The following ZCWPW2 variants were observed in gnomAD, a reference collection of about 807,000 sequenced individuals.
ZCWPW2 encodes zinc finger CW-type PWWP domain protein 2.
In ZCWPW2, 45 loss-of-function variants were observed where a neutral mutation model predicts 46.6. That is an observed-to-expected ratio of 0.96 (90% CI 0.76 to 1.24). The LOEUF is 1.24. Among genes scored for constraint, ZCWPW2 ranks in the 50% most tolerant of loss-of-function variants. The probability of loss-of-function intolerance (pLI) is 0.00; values close to 1 mark genes in which losing one functional copy is unlikely to be tolerated. For missense variants in ZCWPW2, 429 were observed against 403.9 expected (o/e 1.06, Z -0.53); for synonymous variants, 152 against 137.1 (o/e 1.11, Z -0.76).
intron 6 of ZCWPW2, among the ~76,000 whole-genome samples, chr3:28,505,218 GC>G (rs1700244460): frequency 6.6e-6 from 1 of 152,118 alleles, no homozygotes; most frequent in Non-Finnish European, 1.5e-5. Context: ...GCCCCTCAAA[GC>G]AGAGAAATCC....
chr3:28,479,015 AATCTCT>A (rs1376072409), intron 5 of ZCWPW2, 84 bp downstream of exon 5: 8 of 846,884 alleles, frequency 9.4e-6, no homozygotes, highest in Admixed American at 5.8e-5. Context: ...CTCATTCAAA[AATCTCT>A]ATCTCTTTCT....
At chr3:28,515,791 A>G (rs1700550295) in intron 8 of ZCWPW2, among the ~76,000 whole-genome samples, 170 bp downstream of exon 8, 1 of 145,626 alleles carries the variant, frequency 6.9e-6, no homozygotes, top group Non-Finnish European at 1.5e-5. Flanking sequence ...ATTTTTACAC[A>G]TATATATGTG....
At chr3:28,379,977 TA>T (rs1229402606) in intron 1 of ZCWPW2, among the ~76,000 whole-genome samples, 4 of 152,230 alleles carry the variant, frequency 2.6e-5, no homozygotes, top group East Asian at 1.9e-4. Context: ...TTTTTATTTT[TA>T]TTTTTTTAGT....
Position 28,348,951 on chromosome 3 carries a change from A to C in ZCWPW2, c.-386A>C, listed in dbSNP as rs1225758615. 3 of 985,374 alleles carry C rather than the reference A, an allele frequency of 3.0e-6. No individual in the cohort carries two copies. The highest frequency in any genetic ancestry group is 3.6e-6 in the Non-Finnish European group (3 of 830,014). 61.0% of individuals were successfully genotyped at this position (985,374 alleles called of 1,614,324 possible). On this transcript the variant is annotated 5_prime_UTR_variant, in exon 1 of 10. Coordinates refer to ENST00000383768, the MANE Select transcript of ZCWPW2 (RefSeq NM_001040432.4). ...CGGAGGGAGGGGAAGCACTCCGGAA[A>C]GTGATTGGAAGTGTGGATGAGCTCT...
At chr3:28,470,299 C>G (rs912304531) in intron 4 of ZCWPW2, among the ~76,000 whole-genome samples, 1 of 152,056 alleles carries the variant, frequency 6.6e-6, no homozygotes, top group African/African-American at 2.4e-5. Flanking sequence ...CCGAGACCAT[C>G]CTGGCCAACA....
At chr3:28,499,458 G>A (rs545341384) in intron 6 of ZCWPW2, among the ~76,000 whole-genome samples, 13 of 152,112 alleles carry the variant, frequency 8.5e-5, no homozygotes, top group Non-Finnish European at 1.6e-4. Context: ...TTTGAGAAGT[G>A]TCTGTTCATA....
At position 28,448,485 on chromosome 3, in the gene ZCWPW2, A is replaced by T. The variant is rs144589686; in HGVS notation, c.492+13216A>T. 2.5e-3 allele frequency among the ~76,000 whole-genome samples: 386 copies of T among 152,204 alleles called. 1 individual carries two copies. The highest frequency in any genetic ancestry group is 8.4e-3 in the African/African-American group (350 of 41,536). On this transcript the variant is annotated intron_variant, in intron 4 of 9. Transcript: ENST00000383768. ...ATGTTCACAGACTGGAACTTACTAT[A>T]GTTAAGGTGTCAATACCGGCCAGAT...
At chr3:28,479,649 A>AT (rs1699360829) in intron 5 of ZCWPW2, among the ~76,000 whole-genome samples, 1 of 152,088 alleles carries the variant, frequency 6.6e-6, no homozygotes, top group Non-Finnish European at 1.5e-5. Context: ...CACATTAGTT[A>AT]TTTTTCCTGA....
Position 28,357,797 on chromosome 3 carries a change from T to TTATATATATATA in ZCWPW2, c.-134+8606_-134+8617dup, listed in dbSNP as rs3068920. Among the ~76,000 whole-genome samples the TTATATATATATA allele has an allele frequency of 6.3e-3, 878 of 140,350 alleles. 6 individuals are homozygous for TTATATATATATA. Among genetic ancestry groups the TTATATATATATA allele is most frequent in the African/African-American group, 0.022 (818 of 37,640 alleles). 92.1% of individuals were successfully genotyped at this position (140,350 alleles called of 152,430 possible). On this transcript the variant is annotated intron_variant, in intron 1 of 9. Coordinates refer to ENST00000383768, the MANE Select transcript of ZCWPW2 (RefSeq NM_001040432.4). ...ACATATAATATATAGTTGGTATATT[T>TTATATATATATA]TATATATATATATATATATATATCT...
chr3:28,490,997 C>G (rs904582115), intron 5 of ZCWPW2, among the ~76,000 whole-genome samples: 2 of 152,130 alleles, frequency 1.3e-5, no homozygotes, highest in African/African-American at 4.8e-5. Flanking sequence ...TGAACACTTA[C>G]TGCATATAAA....
In ZCWPW2 at chr3:28,413,120, G is replaced by C; in HGVS notation, c.52G>C (p.Asp18His). The stretch of plus-strand genomic sequence containing the variant: ...GATTGAATATTGTAACTATGCAATG[G>C]ATTCCTCAGTGGAAAACATGTATGT... ...VKIEYCNYAMDSSVENMYVNK... is the reference protein window; with the variant it reads ...VKIEYCNYAMHSSVENMYVNK... Residue 18 changes from aspartate to histidine, a missense_variant, in exon 3 of 10, where the codon GAT becomes CAT. Asp to His is a moderately conservative substitution (Grantham distance 81). Coordinates refer to ENST00000383768, the MANE Select transcript of ZCWPW2 (RefSeq NM_001040432.4). 6.2e-7 allele frequency: 1 copy of C among 1,612,918 alleles called. No individual in the cohort carries two copies. The highest frequency in any genetic ancestry group is 8.5e-7 in the Non-Finnish European group (1 of 1,179,334).
chr3:28,454,290 C>T (rs147217502), intron 4 of ZCWPW2, among the ~76,000 whole-genome samples: 292 of 152,084 alleles, frequency 1.9e-3, no homozygotes, highest in African/African-American at 6.6e-3. Flanking sequence ...TGAAGCAGGA[C>T]TTATGTAGGG....
intron 2 of ZCWPW2, among the ~76,000 whole-genome samples, chr3:28,411,422 G>A (rs1037170359): frequency 4.0e-5 from 6 of 151,348 alleles, no homozygotes; most frequent in African/African-American, 1.5e-4. Flanking sequence ...TACAAAAACC[G>A]TACTCCCAAC....
intron 6 of ZCWPW2, among the ~76,000 whole-genome samples, chr3:28,503,315 T>G (rs988583790): frequency 2.6e-5 from 4 of 152,174 alleles, no homozygotes; most frequent in Non-Finnish European, 5.9e-5. Flanking sequence ...CCTAAGGTTG[T>G]GGTATGCAGT....
At chr3:28,480,505 G>C (rs1699389748) in intron 5 of ZCWPW2, among the ~76,000 whole-genome samples, 1 of 151,184 alleles carries the variant, frequency 6.6e-6, no homozygotes, top group Non-Finnish European at 1.5e-5. Context: ...CAGATGCATA[G>C]ATTGCAAAAA....
chr3:28,400,713 TAC>T (rs1695886296), intron 2 of ZCWPW2, among the ~76,000 whole-genome samples: 1 of 152,150 alleles, frequency 6.6e-6, no homozygotes, highest in Admixed American at 6.5e-5. Context: ...GAAGGAAAGA[TAC>T]AGTCTTTTTC....
chr3:28,399,876 A>G (rs534128768), intron 2 of ZCWPW2, among the ~76,000 whole-genome samples: 1 of 152,326 alleles, frequency 6.6e-6, no homozygotes, highest in East Asian at 1.9e-4. Flanking sequence ...AAGGTTCTTT[A>G]ACACCCCCAA....
At chr3:28,489,068 A>G (rs1471171489) in intron 5 of ZCWPW2, among the ~76,000 whole-genome samples, 1 of 152,158 alleles carries the variant, frequency 6.6e-6, no homozygotes, top group Non-Finnish European at 1.5e-5. Flanking sequence ...TTTGAACACA[A>G]AAAGCTCCTT....
intron 1 of ZCWPW2, among the ~76,000 whole-genome samples, chr3:28,360,982 G>A (rs190670892): frequency 7.2e-5 from 11 of 152,116 alleles, no homozygotes; most frequent in African/African-American, 1.9e-4. Context: ...TAGCCCAAAC[G>A]TAATTTTAGG....
Sources: gnomAD v4.1 joint callset for allele counts (sites outside exome capture counted in the v4.1 genomes callset) on GRCh38, gnomAD v4.1.1 for gene constraint, MANE v1.5 for transcripts, NCBI Gene and HGNC (gene_info 2026-07-23, HGNC 2026-07-21) for gene names.